FSTL4: variants seen among roughly 807,000 people sequenced by gnomAD.
FSTL4 encodes the protein follistatin-related protein 4.
FSTL4 carries 28 observed loss-of-function variants against 78.2 expected under a neutral mutation model. The ratio of observed to expected loss-of-function variants is 0.36; its 90% confidence interval spans 0.27 to 0.49. The LOEUF (loss-of-function observed/expected upper bound fraction) is 0.49. FSTL4 is among the 20% of genes least tolerant of loss of function. The pLI is 0.98. For synonymous variants in FSTL4, 422 were observed against 440.5 expected (o/e 0.96, Z 0.53); for missense variants, 922 against 1,084.9 (o/e 0.85, Z 2.11).
chr5:133,791,050 C>T, the FSTL4 span, among the ~76,000 whole-genome samples: 1 of 152,342 alleles, frequency 6.6e-6, no homozygotes, highest in Admixed American at 6.5e-5. Flanking sequence ...CCACAGTCCC[C>T]TCACTCACTC....
At chr5:133,262,280 A>G (rs562751377) in intron 6 of FSTL4, among the ~76,000 whole-genome samples, 3 of 152,272 alleles carry the variant, frequency 2.0e-5, no homozygotes, top group African/African-American at 7.2e-5. Flanking sequence ...TGAGAGACTG[A>G]TTTCAGTAAC....
the FSTL4 span, among the ~76,000 whole-genome samples, chr5:133,803,261 C>T: frequency 2.0e-5 from 3 of 152,186 alleles, no homozygotes; most frequent in East Asian, 1.9e-4. Flanking sequence ...TCCTGAGACA[C>T]TCCCCCAGAT....
At chr5:133,522,578 C>G (rs1409777802) in intron 3 of FSTL4, among the ~76,000 whole-genome samples, 1 of 152,228 alleles carries the variant, frequency 6.6e-6, no homozygotes, top group African/African-American at 2.4e-5. Context: ...GCAGACATCT[C>G]TCTGATGTGA....
intron 3 of FSTL4, among the ~76,000 whole-genome samples, chr5:133,546,575 C>T (rs1759579092): frequency 6.6e-6 from 1 of 150,592 alleles, no homozygotes; most frequent in South Asian, 2.1e-4. Flanking sequence ...AGATGTGGTC[C>T]AGCAATCTTT....
At chr5:133,421,804 G>A (rs1483716735) in intron 3 of FSTL4, among the ~76,000 whole-genome samples, 1 of 152,220 alleles carries the variant, frequency 6.6e-6, no homozygotes, top group East Asian at 1.9e-4. Flanking sequence ...CCTATTGAGT[G>A]TGTGCCAGGC....
the FSTL4 span, among the ~76,000 whole-genome samples, chr5:133,626,457 T>C: frequency 6.8e-6 from 1 of 147,608 alleles, no homozygotes; most frequent in Non-Finnish European, 1.5e-5. Context: ...CCTGCCTCAG[T>C]CTCCCAAAGT....
At chr5:133,729,446 G>A in the FSTL4 span, among the ~76,000 whole-genome samples, 1 of 152,094 alleles carries the variant, frequency 6.6e-6, no homozygotes, top group African/African-American at 2.4e-5. Flanking sequence ...AATAAATAAT[G>A]CATATGGAAT....
chr5:133,818,482 A>G, the FSTL4 span, among the ~76,000 whole-genome samples: 1 of 152,158 alleles, frequency 6.6e-6, no homozygotes, highest in Non-Finnish European at 1.5e-5. Context: ...TCACTGGGGA[A>G]CTTAACAAGG....
chr5:133,230,550 A>G (rs577505111), intron 8 of FSTL4, among the ~76,000 whole-genome samples: 2 of 152,152 alleles, frequency 1.3e-5, no homozygotes, highest in African/African-American at 4.8e-5. Flanking sequence ...TTAGAGTGAG[A>G]TGCACCCTCT....
chr5:133,760,089 T>C, the FSTL4 span, among the ~76,000 whole-genome samples: 1 of 152,112 alleles, frequency 6.6e-6, no homozygotes, highest in Non-Finnish European at 1.5e-5. Flanking sequence ...TCCCTGGAGA[T>C]TGTACAGGGC....
At chr5:133,688,883 G>A in the FSTL4 span, among the ~76,000 whole-genome samples, 5 of 152,262 alleles carry the variant, frequency 3.3e-5, no homozygotes, top group African/African-American at 9.6e-5. Context: ...CACGCCAGGC[G>A]AACTAAATTT....
chr5:133,387,486 T>C (rs17685157), intron 4 of FSTL4, among the ~76,000 whole-genome samples: 2,409 of 152,312 alleles, frequency 0.016, 24 homozygotes, highest in Non-Finnish European at 0.025. Flanking sequence ...TGCAAGGCTG[T>C]GTCCCATGGT....
chr5:133,806,362 A>G, the FSTL4 span, among the ~76,000 whole-genome samples: 48 of 152,284 alleles, frequency 3.2e-4, no homozygotes, highest in African/African-American at 1.0e-3. Flanking sequence ...GCAGATAGGC[A>G]CTCAATTACA....
chr5:133,615,214 C>T (rs1357676268), upstream of FSTL4, among the ~76,000 whole-genome samples: 2 of 152,192 alleles, frequency 1.3e-5, no homozygotes, highest in Non-Finnish European at 2.9e-5. Context: ...CCTAGAAATA[C>T]CCATTAGAAG....
chr5:133,214,018 TG>T (rs1454799252), intron 13 of FSTL4, among the ~76,000 whole-genome samples: 8 of 152,176 alleles, frequency 5.3e-5, no homozygotes, highest in Non-Finnish European at 1.2e-4. Flanking sequence ...AGGGATATTT[TG>T]TAAGAATAAA....
the FSTL4 span, among the ~76,000 whole-genome samples, chr5:133,739,281 C>A: frequency 7.9e-6 from 1 of 126,992 alleles, no homozygotes; most frequent in Non-Finnish European, 1.7e-5. Context: ...TTTGATTTTT[C>A]TTTTTCTTTT....
chr5:133,662,129 T>C, the FSTL4 span, among the ~76,000 whole-genome samples: 10 of 152,214 alleles, frequency 6.6e-5, no homozygotes, highest in Admixed American at 6.5e-4. Context: ...TTGAGGATTG[T>C]TTTAGAAAAT....
the FSTL4 span, among the ~76,000 whole-genome samples, chr5:133,709,170 A>AC: frequency 6.6e-6 from 1 of 152,116 alleles, no homozygotes; most frequent in African/African-American, 2.4e-5. Context: ...ATTACAGACC[A>AC]CCCCCGGGTC....
chr5:133,390,214 G>A (rs1755810622), intron 4 of FSTL4, among the ~76,000 whole-genome samples: 1 of 152,250 alleles, frequency 6.6e-6, no homozygotes. Flanking sequence ...AGTGGACGGA[G>A]TTCACTGCAT....
Sources: gnomAD v4.1 joint callset for allele counts (sites outside exome capture counted in the v4.1 genomes callset) on GRCh38, gnomAD v4.1.1 for gene constraint, MANE v1.5 for transcripts, NCBI Gene and HGNC (gene_info 2026-07-23, HGNC 2026-07-21) for gene names.